The following PCDH7 variants were observed in gnomAD, a reference collection of about 807,000 sequenced individuals.
PCDH7 encodes protocadherin-7.
A neutral mutation model predicts 58.9 loss-of-function variants in PCDH7; 17 were observed. The observed-to-expected ratio is 0.29, with a 90% CI of 0.20 to 0.43. The LOEUF is 0.43. PCDH7 is among the 20% of genes least tolerant of loss of function. The pLI is 1.00. For synonymous variants in PCDH7, 664 were observed against 616.4 expected (o/e 1.08, Z -1.14); for missense variants, 1,274 against 1,441.0 (o/e 0.88, Z 1.88).
intron 1 of PCDH7, among the ~76,000 whole-genome samples, chr4:30,773,786 T>C (rs1721719698): frequency 6.6e-6 from 1 of 152,180 alleles, no homozygotes; most frequent in African/African-American, 2.4e-5. Context: ...CTTTCTATTC[T>C]GGGAGGGATT....
chr4:31,083,594 T>C (rs1261495500), intron 3 of PCDH7, among the ~76,000 whole-genome samples: 1 of 152,232 alleles, frequency 6.6e-6, no homozygotes, highest in Non-Finnish European at 1.5e-5. Flanking sequence ...AGGATTACGT[T>C]CTTAATCTTG....
At chr4:30,819,771 C>CT (rs990409390) in intron 1 of PCDH7, among the ~76,000 whole-genome samples, 4 of 151,870 alleles carry the variant, frequency 2.6e-5, no homozygotes, top group African/African-American at 4.8e-5. Flanking sequence ...AGAGCTCACT[C>CT]TTTTTTTTAA....
rs539699570 is a variant in PCDH7, at chr4:31,113,188, C to T, written c.*8-29285C>T. On this transcript the variant is annotated intron_variant, in intron 3 of 3. Transcript: ENST00000509759. ...AAAATTTTGTTCAAATGATAACTGC[C>T]TTTTATTCCAATGTTTCATTAGCAT... 5.5e-4 allele frequency among the ~76,000 whole-genome samples: 84 copies of T among 152,082 alleles called. 1 individual carries two copies. The South Asian group carries it at 0.011, about 21-fold the overall frequency.
chr4:30,791,061 G>A (rs1449460891), intron 1 of PCDH7, among the ~76,000 whole-genome samples: 1 of 152,134 alleles, frequency 6.6e-6, no homozygotes, highest in Non-Finnish European at 1.5e-5. Context: ...TGTATAATTT[G>A]TGTCAAAAAA....
At chr4:31,066,910 T>A (rs1758138824) in intron 3 of PCDH7, among the ~76,000 whole-genome samples, 1 of 151,842 alleles carries the variant, frequency 6.6e-6, no homozygotes, top group Admixed American at 6.6e-5. Context: ...TTAAAGAAAA[T>A]TGCCTAAAGA....
chr4:31,008,854 C>T (rs2109148618), intron 3 of PCDH7, among the ~76,000 whole-genome samples: 1 of 152,152 alleles, frequency 6.6e-6, no homozygotes, highest in East Asian at 1.9e-4. Flanking sequence ...GTTCTTATTT[C>T]TTCTATTTTC....
chr4:31,111,407 A>G (rs1280492457), intron 3 of PCDH7, among the ~76,000 whole-genome samples: 2 of 151,634 alleles, frequency 1.3e-5, no homozygotes, highest in Admixed American at 6.6e-5. Context: ...TCCCAGGTTC[A>G]AGCGATTCTC....
At chr4:31,108,250 G>A (rs1462183296) in intron 3 of PCDH7, among the ~76,000 whole-genome samples, 2 of 151,396 alleles carry the variant, frequency 1.3e-5, no homozygotes, top group Non-Finnish European at 2.9e-5. Flanking sequence ...ATAAAATGTA[G>A]TGTAATAAAG....
rs1553920245 is a variant in PCDH7 at position 30,962,793 on chromosome 4, A to AAC, written c.*7+12579_*7+12580insCA. On this transcript the variant is annotated intron_variant, in intron 3 of 3. Transcript: ENST00000509759. The stretch of plus-strand genomic sequence containing the variant: ...CCCAGTCTTAAAAAAAAAAAAAAAA[A>AAC]AAAAAAAAAAAACAGTGGTAATTCT... Among the ~76,000 whole-genome samples the AAC allele has an allele frequency of 1.3e-3, 177 of 140,782 alleles. 6 individuals are homozygous for AAC. The highest frequency in any genetic ancestry group is 4.6e-3 in the African/African-American group (166 of 36,360). 92.4% of individuals were successfully genotyped at this position (140,782 alleles called of 152,430 possible).
chr4:30,723,409 G>C lies in PCDH7; in HGVS notation c.1987G>C (p.Val663Leu). 1 of 1,614,214 alleles carries C rather than the reference G, an allele frequency of 6.2e-7. No homozygotes were observed. Among genetic ancestry groups the C allele is most frequent in the Non-Finnish European group, 8.5e-7 (1 of 1,180,036 alleles). The stretch of plus-strand genomic sequence containing the variant: ...CAACAGCCCTGTGGGGATGGTCACC[G>C]TGATGGATGCTGACAAGGGGCGGAA... The change falls in exon 1 of 2, where the codon GTG becomes CTG. Residue 663 changes from valine to leucine, a missense_variant. Val to Leu is a conservative substitution (Grantham distance 32). This residue lies in a region of PCDH7 where 731 missense variants were observed against 881.9 expected (regional missense o/e 0.83). Transcript: ENST00000361762. The surrounding 1 kb of genome is among the most constrained non-coding windows in gnomAD (Gnocchi z 4.6).
At chr4:31,142,303 A>G (rs966144018) in intron 3 of PCDH7, among the ~76,000 whole-genome samples, 170 bp from the exon 3 acceptor site, 1 of 152,152 alleles carries the variant, frequency 6.6e-6, no homozygotes, top group African/African-American at 2.4e-5. Flanking sequence ...CTTATCTTTG[A>G]TGCACATGGG....
At chr4:30,739,754 C>T (rs751846097) in intron 1 of PCDH7, among the ~76,000 whole-genome samples, 1 of 152,008 alleles carries the variant, frequency 6.6e-6, no homozygotes, top group Non-Finnish European at 1.5e-5. Flanking sequence ...AGAGGTAATG[C>T]GGTTGACATT....
chr4:30,934,562 A>G (rs1383250575), intron 2 of PCDH7, among the ~76,000 whole-genome samples: 1 of 152,110 alleles, frequency 6.6e-6, no homozygotes, highest in Admixed American at 6.6e-5. Flanking sequence ...CTCCATTCTA[A>G]TAATCTATTC....
chr4:30,747,536 C>T (rs945315408), intron 1 of PCDH7, among the ~76,000 whole-genome samples: 1 of 152,148 alleles, frequency 6.6e-6, no homozygotes, highest in Admixed American at 6.5e-5. Context: ...TTCTTTGACT[C>T]TTGATCCCCT....
chr4:30,871,079 T>C (rs184173268), intron 1 of PCDH7, among the ~76,000 whole-genome samples: 1 of 152,226 alleles, frequency 6.6e-6, no homozygotes, highest in East Asian at 1.9e-4. Flanking sequence ...GGTGATGCCC[T>C]TCTTCATTTG....
intron 2 of PCDH7, among the ~76,000 whole-genome samples, chr4:30,947,598 A>T (rs567434043): frequency 1.3e-5 from 2 of 152,290 alleles, no homozygotes; most frequent in African/African-American, 2.4e-5. Flanking sequence ...ATAATAATTT[A>T]TAGTGTACCT....
At chr4:30,986,331 A>C (rs1750962224) in intron 3 of PCDH7, among the ~76,000 whole-genome samples, 1 of 152,154 alleles carries the variant, frequency 6.6e-6, no homozygotes, top group African/African-American at 2.4e-5. Context: ...AAAAAAAATT[A>C]GTCTATTTTC....
At chr4:31,062,205 A>G (rs1294057728) in intron 3 of PCDH7, among the ~76,000 whole-genome samples, 1 of 151,684 alleles carries the variant, frequency 6.6e-6, no homozygotes, top group Non-Finnish European at 1.5e-5. Context: ...CAACTGTATA[A>G]TTTCCAACCT....
intron 1 of PCDH7, among the ~76,000 whole-genome samples, chr4:30,739,160 T>TAAAAATATATATATTTTATATATATATTA (rs1553876261): frequency 1.4e-5 from 2 of 145,434 alleles, no homozygotes; most frequent in South Asian, 4.4e-4. Context: ...TATATATATA[T>TAAAAATATATATATTTTATATATATATTA]TATATATATA....
Sources: allele counts gnomAD v4.1 joint callset (sites outside exome capture counted in the v4.1 genomes callset), GRCh38; gene constraint gnomAD v4.1.1; regional missense constraint gnomAD v4.1.1; non-coding constraint Gnocchi (gnomAD v3.1); transcripts MANE v1.5; gene names NCBI Gene and HGNC (gene_info 2026-07-23, HGNC 2026-07-21).